Variants in TIGAR observed in about 807,000 individuals in gnomAD.
TIGAR encodes the protein fructose-2,6-bisphosphatase TIGAR.
A neutral mutation model predicts 17.9 loss-of-function variants in TIGAR; 7 were observed. That is an observed-to-expected ratio of 0.39 (90% CI 0.22 to 0.73). The LOEUF is 0.73. TIGAR is among the 30% of genes least tolerant of loss of function. The pLI is 0.42. For synonymous variants in TIGAR, 94 were observed against 108.6 expected (o/e 0.87, Z 0.84); for missense variants, 258 against 327.4 (o/e 0.79, Z 1.64).
At chr12:4,324,367 A>T in intron 1 of TIGAR, 1 of 916,766 alleles carries the variant, frequency 1.1e-6, no homozygotes, top group Non-Finnish European at 1.8e-6. Context: ...TTATTAGCTG[A>T]GCCACTACTT....
intron 3 of TIGAR, among the ~76,000 whole-genome samples, chr12:4,337,880 C>A (rs975323438): frequency 6.6e-6 from 1 of 152,182 alleles, no homozygotes; most frequent in Admixed American, 6.5e-5. Context: ...CCTGTGATCC[C>A]TGCACTTTGG....
intron 3 of TIGAR, among the ~76,000 whole-genome samples, chr12:4,347,149 A>C (rs1591665042): frequency 6.6e-6 from 1 of 152,262 alleles, no homozygotes; most frequent in Non-Finnish European, 1.5e-5. Context: ...AATAATCCAA[A>C]TGTCCATCAG....
Position 4,355,854 on chromosome 12 carries a change from A to C in TIGAR, c.*3163A>C, listed in dbSNP as rs1409082344. 6.6e-6 allele frequency among the ~76,000 whole-genome samples: 1 copy of C among 152,168 alleles called. No homozygotes were observed. The highest frequency in any genetic ancestry group is 1.9e-4 in the East Asian group (1 of 5,202). On this transcript the variant is annotated 3_prime_UTR_variant, in exon 6 of 6. Transcript: ENST00000179259. Reference sequence around the variant, plus strand: ...GAGGACTCGATGGTGTCAGCACTGAAGGATGTAAGATCTGCTGCTCTGGGG... The same window carrying C: ...GAGGACTCGATGGTGTCAGCACTGACGGATGTAAGATCTGCTGCTCTGGGG...
Position 4,324,381 on chromosome 12 carries a change from G to A in TIGAR, c.32+3078G>A, listed in dbSNP as rs1864513903. ...TTTATTAGCTGAGCCACTACTTGAG[G>A]GGGATGAAGCGGGAGGAGTGGGTGG... On this transcript the variant is annotated intron_variant, in intron 1 of 5. Transcript: ENST00000179259. The A allele has an allele frequency of 2.1e-5, 24 of 1,118,846 alleles. No homozygotes were observed. In the South Asian group the frequency reaches 2.7e-4, roughly 13 times the overall value. 69.3% of individuals were successfully genotyped at this position (1,118,846 alleles called of 1,614,324 possible).
intron 3 of TIGAR, among the ~76,000 whole-genome samples, chr12:4,342,949 A>T (rs1421817384): frequency 6.6e-6 from 1 of 152,220 alleles, no homozygotes; most frequent in Non-Finnish European, 1.5e-5. Context: ...GGCAACTTGG[A>T]TAAAGAGTCA....
At position 4,353,282 on chromosome 12, in the gene TIGAR, A is replaced by G. The variant is rs1247049400; in HGVS notation, c.*591A>G. The G allele has an allele frequency of 6.6e-6, 1 of 152,260 alleles. No homozygotes were observed. Among genetic ancestry groups the G allele is most frequent in the African/African-American group, 2.4e-5 (1 of 41,466 alleles). The allele number at this position is 152,260 out of a possible 1,614,324, so 9.4% of individuals were successfully genotyped here. A position where few individuals can be genotyped will look rare whatever the true frequency, so the allele number is the denominator to read the frequency against. ...TATGATTGCAGAATGGTCTGGGGGA[A>G]GAAGTTAAAACATTTGATTTAAATA... On this transcript the variant is annotated 3_prime_UTR_variant, in exon 6 of 6. Coordinates refer to ENST00000179259, the MANE Select transcript of TIGAR (RefSeq NM_020375.3).
At chr12:4,352,197 T>C in intron 5 of TIGAR, 63 bp from the exon 6 acceptor site, 1 of 1,419,844 alleles carries the variant, frequency 7.0e-7, no homozygotes, top group Non-Finnish European at 9.6e-7. Flanking sequence ...TTATGTTCTA[T>C]GTTAACGTTT....
In TIGAR at chr12:4,354,896, C is replaced by CTT. The variant is rs34361486; in HGVS notation, c.*2218_*2219dup. Reference sequence around the variant, plus strand: ...ACAGGCATGCACCACCACGCCTGGCCTTTTTTTTTTTTTTAGTAGAGACGG... The same window carrying CTT: ...ACAGGCATGCACCACCACGCCTGGCCTTTTTTTTTTTTTTTTAGTAGAGACGG... On this transcript the variant is annotated 3_prime_UTR_variant, in exon 6 of 6. Transcript: ENST00000179259. Among the ~76,000 whole-genome samples, 171 of 139,984 alleles carry CTT rather than the reference C, an allele frequency of 1.2e-3. 2 individuals are homozygous for CTT. The highest frequency in any genetic ancestry group is 9.0e-3 in the East Asian group (43 of 4,772). The allele number at this position is 139,984 out of a possible 152,430, so 91.8% of individuals were successfully genotyped here. A position where few individuals can be genotyped will look rare whatever the true frequency, so the allele number is the denominator to read the frequency against.
At chr12:4,340,789 T>C (rs1340508559) in intron 3 of TIGAR, among the ~76,000 whole-genome samples, 2 of 152,138 alleles carry the variant, frequency 1.3e-5, no homozygotes, top group African/African-American at 4.8e-5. Flanking sequence ...AGAAGATACA[T>C]TGGGAGAGTC....
At chr12:4,334,742 A>T (rs1436614263) in intron 2 of TIGAR, among the ~76,000 whole-genome samples, 1 of 152,220 alleles carries the variant, frequency 6.6e-6, no homozygotes, top group African/African-American at 2.4e-5. Context: ...TAGTGGCTTC[A>T]GTCGGTACAC....
intron 1 of TIGAR, among the ~76,000 whole-genome samples, chr12:4,326,047 T>C (rs143208296): frequency 6.6e-5 from 10 of 152,336 alleles, no homozygotes; most frequent in African/African-American, 1.9e-4. Flanking sequence ...TAACAAGATA[T>C]AATGTCTTTT....
chr12:4,339,001 CAGAA>C (rs200909727), intron 3 of TIGAR, among the ~76,000 whole-genome samples: 399 of 99,910 alleles, frequency 4.0e-3, no homozygotes, highest in Non-Finnish European at 5.8e-3. Flanking sequence ...AAAAAAAAGA[CAGAA>C]AGAACTAGAA....
chr12:4,341,097 G>A (rs947198867), intron 3 of TIGAR, among the ~76,000 whole-genome samples: 6 of 152,288 alleles, frequency 3.9e-5, no homozygotes, highest in South Asian at 4.2e-4. Context: ...ACAAAGTGAA[G>A]AGACAACCCA....
In TIGAR at chr12:4,358,355, A is replaced by G. The variant is rs965516368; in HGVS notation, c.*5664A>G. On this transcript the variant is annotated 3_prime_UTR_variant, in exon 6 of 6. Coordinates refer to ENST00000179259, the MANE Select transcript of TIGAR (RefSeq NM_020375.3). The stretch of plus-strand genomic sequence containing the variant: ...ATCCTCATAGAGAATAATTACAGTA[A>G]TGTGTATGTGCGTGTGTTTTGGTAA... Among the ~76,000 whole-genome samples, 9 of 152,136 alleles carry G rather than the reference A, an allele frequency of 5.9e-5. No individual in the cohort carries two copies. Among genetic ancestry groups the G allele is most frequent in the Admixed American group, 2.6e-4 (4 of 15,268 alleles).
At chr12:4,350,849 C>T (rs919535378) in intron 4 of TIGAR, among the ~76,000 whole-genome samples, 4 of 151,682 alleles carry the variant, frequency 2.6e-5, no homozygotes, top group Non-Finnish European at 5.9e-5. Flanking sequence ...TTCCTTATAA[C>T]TATGGTGATA....
intron 5 of TIGAR, 90 bp from the exon 6 acceptor site, chr12:4,352,170 G>A (rs1864843541): frequency 8.8e-7 from 1 of 1,136,586 alleles, no homozygotes. Flanking sequence ...TTCAATATTA[G>A]AAAAAAATCC....
Position 4,357,536 on chromosome 12 carries a change from G to A in TIGAR, c.*4845G>A, listed in dbSNP as rs114505645. Among the ~76,000 whole-genome samples the A allele has an allele frequency of 4.4e-3, 672 of 152,234 alleles. 4 individuals carry two copies. The highest frequency in any genetic ancestry group is 0.015 in the African/African-American group (641 of 41,550). ...CTCTTTCTTTGGGCCCCATCAATTT[G>A]GAAGTACAGCTTTCAGATTGAAGTA... On this transcript the variant is annotated 3_prime_UTR_variant, in exon 6 of 6. Coordinates refer to ENST00000179259, the MANE Select transcript of TIGAR (RefSeq NM_020375.3).
At chr12:4,331,569 C>T (rs1249027253) in intron 2 of TIGAR, among the ~76,000 whole-genome samples, 8 of 152,156 alleles carry the variant, frequency 5.3e-5, no homozygotes, top group African/African-American at 1.9e-4. Context: ...CAAAGTGGCT[C>T]TGTCAGCTGA....
rs1565444320 is a variant in TIGAR at position 4,321,975 on chromosome 12, T to G, written c.32+672T>G. 6.6e-6 allele frequency among the ~76,000 whole-genome samples: 1 copy of G among 150,602 alleles called. No homozygotes were observed. The highest frequency in any genetic ancestry group is 1.5e-5 in the Non-Finnish European group (1 of 67,666). ...AACGGGAGGTGAAAATCAGGGTAGT[T>G]AAGAGCACAGATTTTTATTTTTATT... is the stretch of plus-strand genomic sequence containing the variant. On this transcript the variant is annotated intron_variant, in intron 1 of 5. Transcript: ENST00000179259. This position sits in a 1 kb window ranked among gnomAD's most constrained non-coding sequence, Gnocchi z 5.2.
Sources: allele counts gnomAD v4.1 joint callset (sites outside exome capture counted in the v4.1 genomes callset), GRCh38; gene constraint gnomAD v4.1.1; non-coding constraint Gnocchi (gnomAD v3.1); transcripts MANE v1.5; gene names NCBI Gene and HGNC (gene_info 2026-07-23, HGNC 2026-07-21).